Variants in MYO16 observed in about 807,000 individuals in gnomAD.
MYO16 encodes myosin XVI, also known as unconventional myosin-XVI.
MYO16 carries 94 observed loss-of-function variants against 205.3 expected under a neutral mutation model. The observed-to-expected ratio is 0.46, with a 90% confidence interval of 0.39 to 0.54. MYO16 has a LOEUF of 0.54. Ranked by LOEUF, MYO16 falls within the 20% of genes least tolerant of loss-of-function variation. The pLI, the probability that MYO16 is intolerant of heterozygous loss-of-function variation, is 0.00. For missense variants in MYO16, 2,315 were observed against 2,387.5 expected, an observed-to-expected ratio of 0.97 and a Z score of 0.63; for synonymous variants, 988 against 954.0, an observed-to-expected ratio of 1.04 and a Z score of -0.66.
chr13:108,902,459 G>C (rs1594382717), intron 15 of MYO16, among the ~76,000 whole-genome samples: 1 of 152,320 alleles, frequency 6.6e-6, no homozygotes, highest in South Asian at 2.1e-4. Flanking sequence ...GAATGTGTTA[G>C]ATTATGTCAG....
chr13:108,632,844 G>T (rs908275257), intron 1 of MYO16, among the ~76,000 whole-genome samples: 1 of 152,128 alleles, frequency 6.6e-6, no homozygotes, highest in Non-Finnish European at 1.5e-5. Flanking sequence ...GGCGCAAGCA[G>T]AAATGAGAAA....
intron 23 of MYO16, among the ~76,000 whole-genome samples, chr13:109,027,120 A>G (rs963683976): frequency 2.0e-5 from 3 of 152,070 alleles, no homozygotes; most frequent in African/African-American, 7.2e-5. Flanking sequence ...TCTGAGGGAG[A>G]GGCTGTTCCA....
At chr13:108,925,847 G>T (rs373055694) in intron 16 of MYO16, among the ~76,000 whole-genome samples, 1 of 152,188 alleles carries the variant, frequency 6.6e-6, no homozygotes, top group Non-Finnish European at 1.5e-5. Context: ...CCACTGAGTG[G>T]TTCAGAGTGT....
At chr13:108,937,686 A>G (rs1015617896) in intron 16 of MYO16, among the ~76,000 whole-genome samples, 1 of 152,136 alleles carries the variant, frequency 6.6e-6, no homozygotes, top group African/African-American at 2.4e-5. Flanking sequence ...GACTTTCCTT[A>G]AGTAAGCTTT....
At chr13:108,697,631 A>T (rs1374058025) in intron 2 of MYO16, among the ~76,000 whole-genome samples, 1 of 152,312 alleles carries the variant, frequency 6.6e-6, no homozygotes, top group African/African-American at 2.4e-5. Context: ...TTAAGTATCA[A>T]TTTGTATGAT....
intron 16 of MYO16, among the ~76,000 whole-genome samples, chr13:108,943,511 G>A (rs1218949543): frequency 1.3e-5 from 2 of 151,918 alleles, no homozygotes; most frequent in African/African-American, 4.8e-5. Flanking sequence ...AGGCTGGAGT[G>A]CAGTGACACG....
At chr13:108,834,823 ATG>A (rs1342861278) in intron 9 of MYO16, among the ~76,000 whole-genome samples, 2 of 152,040 alleles carry the variant, frequency 1.3e-5, no homozygotes, top group Admixed American at 1.3e-4. Flanking sequence ...GCATTTTACT[ATG>A]TGTGTCCTTA....
chr13:108,948,505 T>C (rs377645744), intron 16 of MYO16, among the ~76,000 whole-genome samples: 2 of 152,354 alleles, frequency 1.3e-5, no homozygotes, highest in East Asian at 3.9e-4. Context: ...CGCTGATCTC[T>C]GCGCCTGCTG....
intron 3 of MYO16, among the ~76,000 whole-genome samples, chr13:108,724,645 C>T (rs9520990): frequency 0.23 from 35,645 of 151,798 alleles, 5,155 homozygotes; most frequent in East Asian, 0.55. Flanking sequence ...GTATTACGCA[C>T]GGTGCATGTT....
the MYO16 span, among the ~76,000 whole-genome samples, chr13:108,558,407 T>G: frequency 6.6e-6 from 1 of 152,302 alleles, no homozygotes; most frequent in East Asian, 1.9e-4. Context: ...CTGCTTTGAA[T>G]CAAAGGGTAA....
chr13:109,206,554 A>T, intron 34 of MYO16, 55 bp from the exon 35 acceptor site: 1 of 1,312,522 alleles, frequency 7.6e-7, no homozygotes, highest in Non-Finnish European at 1.1e-6. Flanking sequence ...CACACTTCAT[A>T]CTCATTCACA....
chr13:108,571,926 CT>C, the MYO16 span, among the ~76,000 whole-genome samples: 5,700 of 142,402 alleles, frequency 0.04, 282 homozygotes, highest in African/African-American at 0.12. Context: ...GCTGTTTTTT[CT>C]TTTTTTTTTT....
intron 1 of MYO16, among the ~76,000 whole-genome samples, chr13:108,643,736 A>G (rs1458717888): frequency 3.9e-5 from 6 of 152,192 alleles, no homozygotes; most frequent in Non-Finnish European, 8.8e-5. Context: ...GTTTGGGGCT[A>G]TTATGAGTAG....
chr13:108,827,782 T>G (rs1035044159), intron 9 of MYO16, among the ~76,000 whole-genome samples: 1 of 152,206 alleles, frequency 6.6e-6, no homozygotes, highest in Non-Finnish European at 1.5e-5. Context: ...GTGCCTCACT[T>G]GCTGTTATTG....
intron 33 of MYO16, among the ~76,000 whole-genome samples, chr13:109,168,867 G>C (rs11619389): frequency 0.12 from 17,953 of 148,630 alleles, 1,230 homozygotes; most frequent in African/African-American, 0.19. Flanking sequence ...TGTCTTTTGT[G>C]TATGAGTGGA....
intron 15 of MYO16, among the ~76,000 whole-genome samples, chr13:108,905,129 A>G (rs1880901434): frequency 6.6e-6 from 1 of 152,072 alleles, no homozygotes; most frequent in African/African-American, 2.4e-5. Context: ...ATCTTCATAC[A>G]GGGTAGCTGG....
At chr13:108,755,589 A>G (rs1473864128) in intron 4 of MYO16, among the ~76,000 whole-genome samples, 2 of 152,092 alleles carry the variant, frequency 1.3e-5, no homozygotes, top group African/African-American at 4.8e-5. Flanking sequence ...ATCCTAAAAA[A>G]TATAATTATT....
rs1268458052 is a variant in MYO16 at position 108,666,137 on chromosome 13, A to C, written c.280A>C (p.Asn94His). 1.2e-6 allele frequency: 2 copies of C among 1,601,536 alleles called. No homozygotes were observed. ...GCTACAGGACGCGATTATCCACCAC[A>C]ATGACAAAGAAGGTACATGATAAGA... ...DMLQDAIIHH[N>H]DKEVLRLLKE... is the part of the protein sequence containing the mutation. Residue 94 changes from asparagine (N) to histidine (H), a missense_variant, in exon 2 of 35, where the codon AAT (asparagine) becomes CAT (histidine). Around this residue, in one of 3 missense-constraint regions of MYO16, gnomAD observed 1,213 missense variants for 1,274.4 expected, o/e 0.95. Coordinates refer to ENST00000457511, the MANE Select transcript of MYO16 (RefSeq NM_001198950.3).
chr13:109,169,463 T>C (rs1161069194), intron 33 of MYO16, among the ~76,000 whole-genome samples: 4 of 152,118 alleles, frequency 2.6e-5, no homozygotes, highest in Non-Finnish European at 4.4e-5. Flanking sequence ...GAAAATTTTC[T>C]TGCAAGGGGA....
Sources: allele counts gnomAD v4.1 joint callset (sites outside exome capture counted in the v4.1 genomes callset), GRCh38; gene constraint gnomAD v4.1.1; regional missense constraint gnomAD v4.1.1; transcripts MANE v1.5; gene names NCBI Gene and HGNC (gene_info 2026-07-23, HGNC 2026-07-21).